Variants in COG5 observed in about 807,000 individuals in gnomAD.
COG5 encodes conserved oligomeric Golgi complex subunit 5.
Under a neutral mutation model 110.4 loss-of-function variants are expected in COG5, and 86 were observed. The ratio of observed to expected loss-of-function variants is 0.78; its 90% CI spans 0.65 to 0.93. COG5 has a LOEUF of 0.93. Ranked by LOEUF, COG5 falls within the 40% of genes least tolerant of loss-of-function variation. COG5 has a pLI of 0.00. For missense variants in COG5, 1,077 were observed against 987.0 expected, an observed-to-expected ratio of 1.09 and a Z score of -1.22; for synonymous variants, 360 against 334.6, an observed-to-expected ratio of 1.08 and a Z score of -0.83.
chr7:107,430,029 TA>T (rs1202306676), intron 6 of COG5, among the ~76,000 whole-genome samples: 1 of 152,244 alleles, frequency 6.6e-6, no homozygotes, highest in Non-Finnish European at 1.5e-5. Flanking sequence ...ATACATGATT[TA>T]AAAACATCTT....
chr7:107,281,160 T>A (rs1329342525), intron 14 of COG5, 140 bp downstream of exon 14: 2 of 670,818 alleles, frequency 3.0e-6, no homozygotes, highest in African/African-American at 3.6e-5. Context: ...TTTAAATTCA[T>A]CAGGAAGTTA....
At position 107,342,927 on chromosome 7, in the gene COG5, T is replaced by TCATAA. The variant is rs201244129; in HGVS notation, c.1027-18407_1027-18406insTTATG. ...AAAGGCACATGCACTTGTATGTTCA[T>TCATAA]CATAGTGCTATTCGCAATAGCAAAG... On this transcript the variant is annotated intron_variant, in intron 10 of 21. Coordinates refer to ENST00000297135, the MANE Select transcript of COG5 (RefSeq NM_006348.5). Among the ~76,000 whole-genome samples, 804 of 152,316 alleles carry TCATAA rather than the reference T, an allele frequency of 5.3e-3. 8 individuals carry two copies. The highest frequency in any genetic ancestry group is 0.018 in the African/African-American group (745 of 41,566).
chr7:107,427,897 G>T (rs564968253), intron 6 of COG5, among the ~76,000 whole-genome samples: 2 of 152,140 alleles, frequency 1.3e-5, no homozygotes, highest in African/African-American at 2.4e-5. Flanking sequence ...TCAGCAGAGA[G>T]GGGATATGAG....
intron 3 of COG5, among the ~76,000 whole-genome samples, chr7:107,549,866 C>A (rs556569545): frequency 6.6e-6 from 1 of 152,214 alleles, no homozygotes; most frequent in East Asian, 1.9e-4. Flanking sequence ...TTCATTCAGT[C>A]CCAAAGTTTT....
In COG5 at chr7:107,202,591, AATAACAGG is replaced by A. The variant is rs1345824911; in HGVS notation, c.*917_*924del. On this transcript the variant is annotated 3_prime_UTR_variant, in exon 22 of 22. Transcript: ENST00000297135. ...CTGAATTTTATTTATGAGTTCTCAG[AATAACAGG>A]TTCAGGAGATGAGATGGAAAACATA... 1 of 152,550 alleles carries A rather than the reference AATAACAGG, an allele frequency of 6.6e-6. No individual in the cohort carries two copies. The highest frequency in any genetic ancestry group is 1.9e-4 in the East Asian group (1 of 5,192). 9.4% of individuals were successfully genotyped at this position (152,550 alleles called of 1,614,324 possible). A position where few individuals can be genotyped will look rare whatever the true frequency, so the allele number is the denominator to read the frequency against.
intron 8 of COG5, among the ~76,000 whole-genome samples, chr7:107,370,727 A>C (rs1814070403): frequency 6.6e-6 from 1 of 150,680 alleles, no homozygotes. Context: ...CAGAGGTTGC[A>C]GTGAGCTAAG....
intron 17 of COG5, among the ~76,000 whole-genome samples, chr7:107,247,902 G>A (rs928538265): frequency 6.6e-6 from 1 of 152,192 alleles, no homozygotes; most frequent in Non-Finnish European, 1.5e-5. Flanking sequence ...GGAGGAGGTT[G>A]GGCTGCAGCT....
chr7:107,375,793 TA>T (rs1814591691), intron 7 of COG5, among the ~76,000 whole-genome samples: 1 of 151,998 alleles, frequency 6.6e-6, no homozygotes. Flanking sequence ...TCAAGTATTT[TA>T]AGGAAAAGAA....
intron 18 of COG5, among the ~76,000 whole-genome samples, chr7:107,235,681 C>T (rs1456446052): frequency 6.6e-6 from 1 of 152,114 alleles, no homozygotes; most frequent in Admixed American, 6.6e-5. Flanking sequence ...CCAACCTGGG[C>T]GACAGAGCAA....
At chr7:107,307,061 C>T (rs1460716786) in intron 11 of COG5, among the ~76,000 whole-genome samples, 17 of 152,180 alleles carry the variant, frequency 1.1e-4, no homozygotes, top group Admixed American at 1.1e-3. Flanking sequence ...CACACTCCGC[C>T]TTAACTCTAT....
chr7:107,312,767 C>A (rs566237490), intron 11 of COG5, among the ~76,000 whole-genome samples: 5 of 152,084 alleles, frequency 3.3e-5, no homozygotes, highest in African/African-American at 1.2e-4. Flanking sequence ...GGAGGCAGAC[C>A]AGTTCACTTC....
intron 8 of COG5, among the ~76,000 whole-genome samples, chr7:107,365,928 G>A (rs1180804948): frequency 1.3e-5 from 2 of 152,200 alleles, no homozygotes; most frequent in East Asian, 3.9e-4. Context: ...CTTCAGCCAT[G>A]CCTACACTAT....
chr7:107,443,597 A>G (rs1584829919), intron 6 of COG5, among the ~76,000 whole-genome samples: 1 of 151,748 alleles, frequency 6.6e-6, no homozygotes, highest in East Asian at 1.9e-4. Context: ...ATTATGATAG[A>G]GGAGAGACTT....
At chr7:107,264,832 G>C (rs1273711599) in intron 14 of COG5, among the ~76,000 whole-genome samples, 1 of 152,138 alleles carries the variant, frequency 6.6e-6, no homozygotes, top group Non-Finnish European at 1.5e-5. Context: ...GGGAATGGTT[G>C]GGTCTATTAG....
chr7:107,504,925 T>C lies in COG5; in HGVS notation c.538+22312A>G, dbSNP rs144440807. On this transcript the variant is annotated intron_variant, in intron 6 of 21. Coordinates refer to ENST00000297135, the MANE Select transcript of COG5 (RefSeq NM_006348.5). ...ATCTAGCTTAATGGTCTATCCATTT[T>C]GTTTATCTCTCAAAGAGAGAATTCA... is the stretch of plus-strand genomic sequence containing the variant. 4.8e-3 allele frequency among the ~76,000 whole-genome samples: 733 copies of C among 152,294 alleles called. 8 individuals carry two copies. Among genetic ancestry groups the C allele is most frequent in the African/African-American group, 0.017 (696 of 41,570 alleles).
intron 6 of COG5, among the ~76,000 whole-genome samples, chr7:107,518,440 G>T (rs1283071859): frequency 1.3e-5 from 2 of 151,990 alleles, no homozygotes; most frequent in Non-Finnish European, 2.9e-5. Flanking sequence ...ATATACATAG[G>T]CTCAAAATAA....
chr7:107,313,817 G>A (rs1300520708), intron 11 of COG5, among the ~76,000 whole-genome samples: 5 of 151,992 alleles, frequency 3.3e-5, no homozygotes, highest in South Asian at 2.1e-4. Context: ...ACTCACATCC[G>A]CAAAATCCCT....
chr7:107,413,693 C>G (rs184895128), intron 6 of COG5, among the ~76,000 whole-genome samples: 5 of 152,284 alleles, frequency 3.3e-5, no homozygotes, highest in Non-Finnish European at 5.9e-5. Context: ...TATATCTGCT[C>G]TTTGTCAAGC....
intron 16 of COG5, among the ~76,000 whole-genome samples, chr7:107,254,160 T>C (rs1802716921): frequency 6.6e-6 from 1 of 152,146 alleles, no homozygotes; most frequent in African/African-American, 2.4e-5. Flanking sequence ...TAATTTTGGA[T>C]AAAATCTCAA....
Sources: allele counts gnomAD v4.1 joint callset (sites outside exome capture counted in the v4.1 genomes callset), GRCh38; gene constraint gnomAD v4.1.1; transcripts MANE v1.5; gene names NCBI Gene and HGNC (gene_info 2026-07-23, HGNC 2026-07-21).